The following MARCHF1 variants were observed in gnomAD, a reference collection of about 807,000 sequenced individuals.
MARCHF1 encodes membrane associated ring-CH-type finger 1.
Under a neutral mutation model 54.2 loss-of-function variants are expected in MARCHF1, and 40 were observed. The observed-to-expected ratio is 0.74, with a 90% CI of 0.57 to 0.96. The LOEUF (loss-of-function observed/expected upper bound fraction) is 0.96, where lower values mean the gene tolerates loss of function less well. Among genes scored for constraint, MARCHF1 ranks in the 40% least tolerant of loss-of-function variants. The pLI, the probability that MARCHF1 is intolerant of heterozygous loss-of-function variation, is 0.00. For missense variants in MARCHF1, 586 were observed against 656.5 expected (o/e 0.89, Z 1.17); for synonymous variants, 236 against 236.3 (o/e 1.00, Z 0.01).
chr4:163,966,029 T>C (rs1752437111), intron 3 of MARCHF1, among the ~76,000 whole-genome samples: 1 of 152,126 alleles, frequency 6.6e-6, no homozygotes, highest in Non-Finnish European at 1.5e-5. Context: ...TGGTATCTGA[T>C]GCTACGGTTT....
intron 5 of MARCHF1, among the ~76,000 whole-genome samples, chr4:163,664,631 A>T (rs552608613): frequency 6.6e-6 from 1 of 152,230 alleles, no homozygotes; most frequent in East Asian, 1.9e-4. Context: ...ACATGCTAGA[A>T]TAAAGACATT....
chr4:163,533,982 C>T (rs1738447686), intron 9 of MARCHF1, among the ~76,000 whole-genome samples: 1 of 151,828 alleles, frequency 6.6e-6, no homozygotes, highest in Non-Finnish European at 1.5e-5. Context: ...TCCTCAGCTG[C>T]CTGATTTCTC....
intron 9 of MARCHF1, among the ~76,000 whole-genome samples, chr4:163,534,218 T>A (rs1738456303): frequency 6.6e-6 from 1 of 151,848 alleles, no homozygotes; most frequent in Non-Finnish European, 1.5e-5. Flanking sequence ...CGTGCCCTAA[T>A]TACTACCAAC....
At chr4:164,164,407 G>T (rs1015489289) in intron 1 of MARCHF1, among the ~76,000 whole-genome samples, 6 of 151,762 alleles carry the variant, frequency 4.0e-5, no homozygotes, top group Admixed American at 4.0e-4. Flanking sequence ...AATGGCATAA[G>T]ACACTACATA....
chr4:163,685,737 AG>A (rs1210912544), intron 5 of MARCHF1, among the ~76,000 whole-genome samples: 1 of 152,182 alleles, frequency 6.6e-6, no homozygotes, highest in East Asian at 1.9e-4. Flanking sequence ...TACAGGAGTG[AG>A]CCACCACACC....
Position 164,176,527 on chromosome 4 carries a change from C to T in MARCHF1, c.-322-64865G>A, listed in dbSNP as rs143345947. 4.9e-3 allele frequency among the ~76,000 whole-genome samples: 745 copies of T among 152,068 alleles called. 9 individuals are homozygous for T. The highest frequency in any genetic ancestry group is 0.017 in the African/African-American group (717 of 41,470). ...CTTAGCAATCCTAATATTTAATTGG[C>T]CTAAAATTAACTCCCTAGTGACAAA... On this transcript the variant is annotated intron_variant, in intron 1 of 9. Coordinates refer to ENST00000514618, the MANE Select transcript of MARCHF1 (RefSeq NM_001394959.1).
At chr4:163,949,737 C>T (rs1752096057) in intron 3 of MARCHF1, among the ~76,000 whole-genome samples, 1 of 147,554 alleles carries the variant, frequency 6.8e-6, no homozygotes, top group African/African-American at 2.5e-5. Flanking sequence ...CTCCTCTCTG[C>T]AGGCAGTGTC....
intron 4 of MARCHF1, among the ~76,000 whole-genome samples, chr4:163,716,073 T>C (rs925733080): frequency 6.6e-6 from 1 of 152,208 alleles, no homozygotes; most frequent in African/African-American, 2.4e-5. Context: ...TTATTGTTTA[T>C]TACCAGGAAA....
At chr4:163,789,648 A>T (rs566921282) in intron 4 of MARCHF1, among the ~76,000 whole-genome samples, 1 of 152,064 alleles carries the variant, frequency 6.6e-6, no homozygotes, top group Non-Finnish European at 1.5e-5. Context: ...TAAATTTAGC[A>T]TTTTAACAAA....
At chr4:164,215,013 C>A (rs1183432405) in intron 1 of MARCHF1, among the ~76,000 whole-genome samples, 1 of 152,158 alleles carries the variant, frequency 6.6e-6, no homozygotes, top group Non-Finnish European at 1.5e-5. Flanking sequence ...AGCTGAAGCC[C>A]CAGTGGGCAT....
intron 1 of MARCHF1, chr4:164,197,461 G>C: frequency 1.2e-6 from 2 of 1,613,580 alleles, no homozygotes; most frequent in Middle Eastern, 3.3e-4. Flanking sequence ...CGTGAGGTTT[G>C]GACACTTTTC....
chr4:163,632,562 A>G (rs11933581), intron 5 of MARCHF1, among the ~76,000 whole-genome samples: 95,522 of 152,050 alleles, frequency 0.63, 31,891 homozygotes, highest in African/African-American at 0.86. Flanking sequence ...GGCGCACCAC[A>G]AGATTATATC....
At chr4:163,842,466 T>C (rs1424332987) in intron 4 of MARCHF1, among the ~76,000 whole-genome samples, 2 of 152,144 alleles carry the variant, frequency 1.3e-5, no homozygotes, top group Non-Finnish European at 2.9e-5. Flanking sequence ...TTTAATGAAG[T>C]CAATATTTGT....
At chr4:163,964,996 C>T (rs1752414605) in intron 3 of MARCHF1, among the ~76,000 whole-genome samples, 1 of 151,858 alleles carries the variant, frequency 6.6e-6, no homozygotes, top group Admixed American at 6.6e-5. Context: ...GATAGTTTTG[C>T]TATGACATTG....
intron 2 of MARCHF1, among the ~76,000 whole-genome samples, chr4:164,014,535 G>C (rs1753495870): frequency 1.3e-5 from 2 of 152,074 alleles, no homozygotes; most frequent in Non-Finnish European, 1.5e-5. Context: ...GCAGTAGAAA[G>C]TCTTTACCTA....
At chr4:163,999,162 C>T (rs1753138244) in intron 2 of MARCHF1, among the ~76,000 whole-genome samples, 1 of 151,238 alleles carries the variant, frequency 6.6e-6, no homozygotes, top group Admixed American at 6.6e-5. Context: ...TGAGGTGATC[C>T]CTCATTAGCC....
At chr4:164,240,783 A>C (rs930922239) in intron 1 of MARCHF1, among the ~76,000 whole-genome samples, 4 of 152,132 alleles carry the variant, frequency 2.6e-5, no homozygotes, top group African/African-American at 9.7e-5. Context: ...GGATGATAGT[A>C]GCTATCATGA....
At chr4:164,364,463 A>G (rs1730821977) in intron 1 of MARCHF1, among the ~76,000 whole-genome samples, 1 of 152,066 alleles carries the variant, frequency 6.6e-6, no homozygotes, top group Non-Finnish European at 1.5e-5. Flanking sequence ...ATCACAAAGG[A>G]AATTGTTTAA....
chr4:164,209,918 T>A (rs779005802), intron 1 of MARCHF1, among the ~76,000 whole-genome samples: 29 of 152,176 alleles, frequency 1.9e-4, no homozygotes, highest in African/African-American at 6.0e-4. Flanking sequence ...AGAAAAAAAA[T>A]TTTAATGCAG....
Sources: gnomAD v4.1 joint callset for allele counts (sites outside exome capture counted in the v4.1 genomes callset) on GRCh38, gnomAD v4.1.1 for gene constraint, MANE v1.5 for transcripts, NCBI Gene and HGNC (gene_info 2026-07-23, HGNC 2026-07-21) for gene names.